The following GALNT11 variants were observed in gnomAD, a reference collection of about 807,000 sequenced individuals.
The protein encoded by GALNT11 is polypeptide N-acetylgalactosaminyltransferase 11.
Under a neutral mutation model 72.7 loss-of-function variants are expected in GALNT11, and 47 were observed. That is an observed-to-expected ratio of 0.65 (90% CI 0.51 to 0.82). The LOEUF (loss-of-function observed/expected upper bound fraction) is 0.82, where lower values mean the gene tolerates loss of function less well. Ranked by LOEUF, GALNT11 falls within the 40% of genes least tolerant of loss-of-function variation. The pLI is 0.00. For missense variants in GALNT11, 677 were observed against 778.4 expected (o/e 0.87, Z 1.55); for synonymous variants, 270 against 286.6 (o/e 0.94, Z 0.58).
intron 1 of GALNT11, among the ~76,000 whole-genome samples, chr7:152,032,139 T>G (rs2082332298): frequency 6.6e-6 from 1 of 152,182 alleles, no homozygotes; most frequent in Admixed American, 6.5e-5. Flanking sequence ...TCCGAACTGG[T>G]AGCCAAAAGT....
At chr7:152,101,649 G>T (rs558123420) in intron 3 of GALNT11, among the ~76,000 whole-genome samples, 18 of 146,638 alleles carry the variant, frequency 1.2e-4, no homozygotes, top group African/African-American at 3.2e-4. Context: ...TTTTGGGGGG[G>T]GGGGGATGGA....
intron 1 of GALNT11, among the ~76,000 whole-genome samples, chr7:152,038,003 C>T (rs1326336248): frequency 6.6e-6 from 1 of 152,174 alleles, no homozygotes; most frequent in African/African-American, 2.4e-5. Context: ...CTCCTGACCT[C>T]AGGTGAGCTG....
At chr7:152,101,341 C>T (rs1237307046) in intron 3 of GALNT11, among the ~76,000 whole-genome samples, 1 of 152,112 alleles carries the variant, frequency 6.6e-6, no homozygotes, top group Non-Finnish European at 1.5e-5. Context: ...CACAGACAGA[C>T]ATTTGTTGAG....
Position 152,108,185 on chromosome 7 carries a change from C to A in GALNT11, c.860C>A (p.Ser287Tyr), listed in dbSNP as rs1178770346. 6.2e-7 allele frequency: 1 copy of A among 1,614,046 alleles called. No individual in the cohort carries two copies. Among genetic ancestry groups the A allele is most frequent in the African/African-American group, 1.3e-5 (1 of 74,916 alleles). The change falls in exon 6 of 12, where the codon TCC becomes TAC. Residue 287 changes from serine to tyrosine, a missense_variant. Ser to Tyr is a moderately radical substitution (Grantham distance 144). Coordinates refer to ENST00000430044, the MANE Select transcript of GALNT11 (RefSeq NM_022087.4). ...ISADTLAYSS[S>Y]PVVRGGFNWG... The stretch of plus-strand genomic sequence containing the variant: ...GCCGACACGCTGGCCTACAGCTCGT[C>A]CCCTGTCGTCCGCGGAGGGTTCAAC...
chr7:152,113,683 C>T (rs1444528225), intron 8 of GALNT11, among the ~76,000 whole-genome samples: 3 of 132,878 alleles, frequency 2.3e-5, no homozygotes, highest in African/African-American at 8.6e-5. Context: ...TCTGGTCTCT[C>T]TATTGTGACG....
chr7:152,097,381 G>T (rs1308340491), intron 2 of GALNT11, among the ~76,000 whole-genome samples: 4 of 152,178 alleles, frequency 2.6e-5, no homozygotes, highest in African/African-American at 9.7e-5. Context: ...TGGAGAAACT[G>T]GAGCCCTCAC....
At chr7:152,089,387 T>G (rs1220131523) in intron 1 of GALNT11, among the ~76,000 whole-genome samples, 3 of 152,242 alleles carry the variant, frequency 2.0e-5, no homozygotes, top group Non-Finnish European at 4.4e-5. Flanking sequence ...GCAATCTGTA[T>G]TTTCTGCAGA....
Position 152,032,945 on chromosome 7 carries a change from C to T in GALNT11, c.-39+7061C>T, listed in dbSNP as rs532542520. The stretch of plus-strand genomic sequence containing the variant: ...GGTTACAGGCTGTCCCAGGATTCCT[C>T]GGATGGTAATGGACCTTGAGGACAG... On this transcript the variant is annotated intron_variant, in intron 1 of 11. Transcript: ENST00000430044. Among the ~76,000 whole-genome samples the T allele has an allele frequency of 9.8e-4, 149 of 152,308 alleles. 1 individual carries two copies. Among genetic ancestry groups the T allele is most frequent in the Non-Finnish European group, 1.7e-3 (117 of 68,038 alleles).
chr7:152,120,809 T>G (rs1162653190), intron 10 of GALNT11, 22 bp from the exon 11 acceptor site: 1 of 1,573,012 alleles, frequency 6.4e-7, no homozygotes, highest in Non-Finnish European at 8.7e-7. Flanking sequence ...TATCTAAATT[T>G]TATTTTATTT....
At chr7:152,112,307 A>G (rs1587456004) in intron 7 of GALNT11, among the ~76,000 whole-genome samples, 1 of 152,172 alleles carries the variant, frequency 6.6e-6, no homozygotes, top group Admixed American at 6.5e-5. Context: ...TTGGGAGGCC[A>G]AGGTGGGCTG....
intron 10 of GALNT11, chr7:152,119,472 GTAAA>G (rs1178481077): frequency 6.6e-6 from 1 of 152,182 alleles, no homozygotes; most frequent in Non-Finnish European, 1.5e-5. Context: ...GGGCTTTTGG[GTAAA>G]TAATGTGTGC....
Position 152,094,695 on chromosome 7 carries a change from T to G in GALNT11, c.295+173T>G, listed in dbSNP as rs1311495619. On this transcript the variant is annotated intron_variant, in intron 2 of 11. Coordinates refer to ENST00000430044, the MANE Select transcript of GALNT11 (RefSeq NM_022087.4). This position sits in a 1 kb window ranked among gnomAD's most constrained non-coding sequence, Gnocchi z 4.3. ...TCTGCAGACTCAGTGGGGAGTTATA[T>G]TCTAATTTATCCAGTTCTGACTTCA... Among the ~76,000 whole-genome samples the G allele has an allele frequency of 6.6e-6, 1 of 152,242 alleles. No homozygotes were observed. Among genetic ancestry groups the G allele is most frequent in the Non-Finnish European group, 1.5e-5 (1 of 68,044 alleles).
At chr7:152,103,047 G>T in intron 3 of GALNT11, 65 bp from the exon 4 acceptor site, 1 of 1,425,882 alleles carries the variant, frequency 7.0e-7, no homozygotes, top group Non-Finnish European at 9.7e-7. Flanking sequence ...ATCTGTAGGT[G>T]AATAATAATC....
At chr7:152,035,800 AG>A (rs2082545845) in intron 1 of GALNT11, among the ~76,000 whole-genome samples, 1 of 152,208 alleles carries the variant, frequency 6.6e-6, no homozygotes, top group Admixed American at 6.5e-5. Context: ...AGCAAGTGAA[AG>A]GGGTCAGATG....
chr7:152,065,816 G>A (rs995959783), intron 1 of GALNT11, among the ~76,000 whole-genome samples: 11 of 152,174 alleles, frequency 7.2e-5, no homozygotes, highest in African/African-American at 1.4e-4. Flanking sequence ...CATCTCAGAG[G>A]GGTACCCAGC....
At chr7:152,075,596 C>T (rs1053026438) in intron 1 of GALNT11, among the ~76,000 whole-genome samples, 11 of 151,956 alleles carry the variant, frequency 7.2e-5, no homozygotes, top group Admixed American at 5.9e-4. Context: ...CACCTGAGGT[C>T]GGGAGTTTGA....
At chr7:152,072,265 G>T (rs1383678754) in intron 1 of GALNT11, among the ~76,000 whole-genome samples, 1 of 147,656 alleles carries the variant, frequency 6.8e-6, no homozygotes, top group Non-Finnish European at 1.5e-5. Context: ...GTTGCAGTGA[G>T]CCAAGATTGT....
At chr7:152,087,107 G>A (rs952992384) in intron 1 of GALNT11, among the ~76,000 whole-genome samples, 1 of 152,016 alleles carries the variant, frequency 6.6e-6, no homozygotes, top group Non-Finnish European at 1.5e-5. Flanking sequence ...ATAGACAAAA[G>A]CTCTTTCCCT....
rs768746357 is a variant in GALNT11 at position 152,033,589 on chromosome 7, TTTC to T, written c.-39+7708_-39+7710del. Among the ~76,000 whole-genome samples, 3 of 152,216 alleles carry T rather than the reference TTTC, an allele frequency of 2.0e-5. No homozygotes were observed. In the East Asian group the frequency reaches 5.8e-4, roughly 29 times the overall value. On this transcript the variant is annotated intron_variant, in intron 1 of 11. Transcript: ENST00000430044. ...TGAGTCTGGTGACAGGGGAGTACATTTTCTTAAGGCCTCCTGTAGCCACTTAAG... is the reference window on the plus strand; with the variant it reads ...TGAGTCTGGTGACAGGGGAGTACATTTTAAGGCCTCCTGTAGCCACTTAAG...
Sources: allele counts gnomAD v4.1 joint callset (sites outside exome capture counted in the v4.1 genomes callset), GRCh38; gene constraint gnomAD v4.1.1; non-coding constraint Gnocchi (gnomAD v3.1); transcripts MANE v1.5; gene names NCBI Gene and HGNC (gene_info 2026-07-23, HGNC 2026-07-21).